Variants in FBLN2 observed in about 807,000 individuals in gnomAD.
FBLN2 encodes the protein fibulin 2.
In FBLN2, 81 loss-of-function variants were observed where a neutral mutation model predicts 123.7. The observed-to-expected ratio is 0.65, with a 90% confidence interval of 0.55 to 0.79. The LOEUF is 0.79. Among genes scored for constraint, FBLN2 ranks in the 30% least tolerant of loss-of-function variants. The probability of loss-of-function intolerance (pLI) is 0.00; values close to 1 mark genes in which losing one functional copy is unlikely to be tolerated. For missense variants in FBLN2, 1,603 were observed against 1,681.3 expected (o/e 0.95, Z 0.81); for synonymous variants, 699 against 701.4 (o/e 1.00, Z 0.05).
intron 2 of FBLN2, among the ~76,000 whole-genome samples, chr3:13,585,829 G>T (rs1293676520): frequency 6.6e-6 from 1 of 152,194 alleles, no homozygotes; most frequent in Non-Finnish European, 1.5e-5. Flanking sequence ...AGCCTAGCAC[G>T]TGTAGTTAGT....
chr3:13,591,382 C>T (rs1704669535), intron 2 of FBLN2, among the ~76,000 whole-genome samples: 1 of 152,240 alleles, frequency 6.6e-6, no homozygotes, highest in Non-Finnish European at 1.5e-5. Context: ...ATCTGAGGAA[C>T]ACAAGTTCCA....
chr3:13,609,683 G>GC, intron 4 of FBLN2, 41 bp downstream of exon 4: 1 of 1,454,338 alleles, frequency 6.9e-7, no homozygotes, highest in Non-Finnish European at 9.3e-7. Context: ...GTGGGGTGGG[G>GC]CGGGGCGGGA....
At chr3:13,584,613 G>T (rs1282533548) in intron 2 of FBLN2, among the ~76,000 whole-genome samples, 1 of 152,208 alleles carries the variant, frequency 6.6e-6, no homozygotes, top group African/African-American at 2.4e-5. Flanking sequence ...AGGCAACTGT[G>T]CCTGTATGGG....
chr3:13,627,778 G>A, intron 10 of FBLN2, 54 bp from the exon 11 acceptor site: 1 of 1,561,448 alleles, frequency 6.4e-7, no homozygotes, highest in Non-Finnish European at 8.7e-7. Flanking sequence ...GGGCTGCTGA[G>A]TGTAAAGGCA....
intron 14 of FBLN2, 48 bp from the exon 15 acceptor site, chr3:13,630,651 C>A: frequency 6.7e-7 from 1 of 1,487,152 alleles, no homozygotes; most frequent in Non-Finnish European, 9.2e-7. Flanking sequence ...ATGGGCTCTC[C>A]AAGGCAGACT....
chr3:13,625,733 T>C (rs1187538890), intron 9 of FBLN2, among the ~76,000 whole-genome samples: 1 of 151,952 alleles, frequency 6.6e-6, no homozygotes, highest in Non-Finnish European at 1.5e-5. Flanking sequence ...CCACTGAATC[T>C]CCTGCCTGGA....
chr3:13,599,187 G>A (rs1704943990), intron 2 of FBLN2, among the ~76,000 whole-genome samples: 1 of 152,186 alleles, frequency 6.6e-6, no homozygotes. Context: ...TTGTGAGGAC[G>A]ACCAGGTAAG....
At chr3:13,637,444 C>T (rs114016082) in intron 17 of FBLN2, 118 bp from the exon 18 acceptor site, 10,389 of 930,028 alleles carry the variant, frequency 0.011, 82 homozygotes, top group Non-Finnish European at 0.014. Context: ...TGAGGCTTCC[C>T]GGCCATTAGG....
intron 4 of FBLN2, among the ~76,000 whole-genome samples, chr3:13,612,914 A>C (rs1705454050): frequency 2.0e-5 from 3 of 152,206 alleles, no homozygotes; most frequent in Non-Finnish European, 2.9e-5. Context: ...TTAATGCATG[A>C]ATTTGTGGTC....
At position 13,571,463 on chromosome 3, in the gene FBLN2, AC is replaced by A. The variant is rs1559403211; in HGVS notation, c.1109del (p.Thr370IlefsTer72). Reference sequence around the variant, plus strand: ...CCTGGGCAAGGCTGCTCTCGTCCCAACTCAGGCCGTGCCTGGCTCTCCCAGG... The same window carrying A: ...CCTGGGCAAGGCTGCTCTCGTCCCAATCAGGCCGTGCCTGGCTCTCCCAGG... ...PSLGKAALVP[T>X]QAVPGSPRDP... On this transcript the variant is annotated frameshift_variant, in exon 2 of 18. Coordinates refer to ENST00000404922, the MANE Select transcript of FBLN2 (RefSeq NM_001004019.2). LOFTEE classifies it high-confidence loss of function. 1 of 1,613,200 alleles carries A rather than the reference AC, an allele frequency of 6.2e-7. No individual in the cohort carries two copies. The highest frequency in any genetic ancestry group is 8.5e-7 in the Non-Finnish European group (1 of 1,179,738).
At chr3:13,582,244 A>G (rs1704355708) in intron 2 of FBLN2, among the ~76,000 whole-genome samples, 1 of 152,170 alleles carries the variant, frequency 6.6e-6, no homozygotes, top group African/African-American at 2.4e-5. Flanking sequence ...CACCCAGGCC[A>G]AGGCAGCAGA....
intron 2 of FBLN2, among the ~76,000 whole-genome samples, chr3:13,585,418 G>C: frequency 6.6e-6 from 1 of 152,164 alleles, no homozygotes. Context: ...ATCAGTGCCT[G>C]GTCAAGTTCT....
intron 10 of FBLN2, 60 bp downstream of exon 10, chr3:13,626,639 C>A: frequency 6.8e-7 from 1 of 1,480,984 alleles, no homozygotes. Context: ...TTTGCCCCGC[C>A]CCTCCCTGGT....
rs1017192338 is a variant in FBLN2 at position 13,629,056 on chromosome 3, C to T, written c.2713+8C>T. 31 of 1,612,838 alleles carry T rather than the reference C, an allele frequency of 1.9e-5. 1 individual carries two copies. The East Asian group carries it at 6.9e-4, about 36-fold the overall frequency. Reference sequence around the variant, plus strand: ...ATGGGACCAAGTGTGTGGGTAAGGCCAGCCGCCTCCGCCCTGCCAGCCAGC... The same window carrying T: ...ATGGGACCAAGTGTGTGGGTAAGGCTAGCCGCCTCCGCCCTGCCAGCCAGC... On this transcript the variant is annotated splice_region_variant and intron_variant, in intron 12 of 17. Coordinates refer to ENST00000404922, the MANE Select transcript of FBLN2 (RefSeq NM_001004019.2).
At position 13,570,682 on chromosome 3, in the gene FBLN2, C is replaced by T. The variant is rs763914973; in HGVS notation, c.327C>T (p.Cys109=). The T allele has an allele frequency of 1.1e-5, 17 of 1,586,688 alleles. No individual in the cohort carries two copies. Among genetic ancestry groups the T allele is most frequent in the Non-Finnish European group, 1.7e-6 (2 of 1,167,580 alleles). The change falls in exon 2 of 18, where the codon TGC becomes TGT. Residue 109 remains cysteine (C), a synonymous_variant. Coordinates refer to ENST00000404922, the MANE Select transcript of FBLN2 (RefSeq NM_001004019.2). The part of the protein sequence containing the change: ...SCPPGGGKIS[C]QFMLCPELPP... ...CACCAGGCGGCGGCAAGATCAGCTG[C>T]CAGTTCATGCTGTGCCCGGAGCTGC...
rs745603167 is a variant in FBLN2, at chr3:13,626,469, T to C, written c.2321T>C (p.Leu774Pro). The change falls in exon 10 of 18, where the codon CTG (leucine) becomes CCG (proline). Residue 774 changes from leucine (L) to proline (P), a missense_variant. Physicochemically the swap from Leu to Pro is moderately conservative, Grantham distance 98. Coordinates refer to ENST00000404922, the MANE Select transcript of FBLN2 (RefSeq NM_001004019.2). ...CVDINECVTD[L>P]HTCSRGEHCV... The stretch of plus-strand genomic sequence containing the variant: ...GACATCAACGAGTGTGTGACGGACC[T>C]GCACACGTGCAGCCGGGGCGAGCAC... 6.3e-7 allele frequency: 1 copy of C among 1,582,920 alleles called. No homozygotes were observed. The highest frequency in any genetic ancestry group is 1.8e-5 in the Admixed American group (1 of 56,146).
intron 2 of FBLN2, among the ~76,000 whole-genome samples, chr3:13,577,619 A>C (rs1333923138): frequency 6.6e-6 from 1 of 152,222 alleles, no homozygotes; most frequent in Non-Finnish European, 1.5e-5. Flanking sequence ...GGCCCTCACA[A>C]GGAGCTCCCA....
At chr3:13,632,829 C>G (rs909395261) in intron 16 of FBLN2, among the ~76,000 whole-genome samples, 4 of 151,762 alleles carry the variant, frequency 2.6e-5, no homozygotes, top group Admixed American at 1.3e-4. Flanking sequence ...CTGCAAAGCC[C>G]TCTTCTTGTT....
intron 2 of FBLN2, among the ~76,000 whole-genome samples, chr3:13,602,586 T>C (rs759952164): frequency 1.3e-5 from 2 of 152,214 alleles, no homozygotes; most frequent in African/African-American, 2.4e-5. Flanking sequence ...TTATACCCAT[T>C]AGACAATCAA....
Sources: gnomAD v4.1 joint callset for allele counts (sites outside exome capture counted in the v4.1 genomes callset) on GRCh38, gnomAD v4.1.1 for gene constraint, MANE v1.5 for transcripts, NCBI Gene and HGNC (gene_info 2026-07-23, HGNC 2026-07-21) for gene names.